FHIT: variants seen among roughly 807,000 people sequenced by gnomAD.
FHIT encodes the protein fragile histidine triad diadenosine triphosphatase.
A neutral mutation model predicts 17.9 loss-of-function variants in FHIT; 19 were observed. The observed-to-expected ratio is 1.06, with a 90% CI of 0.74 to 1.56. The LOEUF is 1.56. Among genes scored for constraint, FHIT ranks in the 40% most tolerant of loss-of-function variants. The pLI is 0.00. For synonymous variants in FHIT, 81 were observed against 69.7 expected, an observed-to-expected ratio of 1.16 and a Z score of -0.81; for missense variants, 248 against 189.2, an observed-to-expected ratio of 1.31 and a Z score of -1.82.
At chr3:60,714,815 C>G (rs2107946588) in intron 4 of FHIT, among the ~76,000 whole-genome samples, 2 of 152,302 alleles carry the variant, frequency 1.3e-5, no homozygotes, top group East Asian at 3.9e-4. Context: ...ACATTCCATG[C>G]TCATGAGTAG....
rs368662819 is a variant in FHIT, at chr3:60,102,622, TAA to T, written c.104-88472_104-88471del. Among the ~76,000 whole-genome samples, 254 of 139,082 alleles carry T rather than the reference TAA, an allele frequency of 1.8e-3. 1 individual carries two copies. Among genetic ancestry groups the T allele is most frequent in the Non-Finnish European group, 3.3e-3 (207 of 63,244 alleles). 91.2% of individuals were successfully genotyped at this position (139,082 alleles called of 152,430 possible). A position where few individuals can be genotyped will look rare whatever the true frequency, so the allele number is the denominator to read the frequency against. ...TTGGAAAATTAGTGTTAAATAAGAATAAAAAAAAAAAACCCTTCACCTTTATG... is the reference window on the plus strand; with the variant it reads ...TTGGAAAATTAGTGTTAAATAAGAATAAAAAAAAAACCCTTCACCTTTATG... On this transcript the variant is annotated intron_variant, in intron 5 of 9. Transcript: ENST00000492590.
intron 3 of FHIT, among the ~76,000 whole-genome samples, chr3:60,956,913 C>CG (rs35454787): frequency 0.23 from 35,471 of 151,884 alleles, 4,337 homozygotes; most frequent in South Asian, 0.31. Flanking sequence ...ATTTCAGTTT[C>CG]GGGGGGTCAC....
At chr3:60,757,368 T>C (rs4974256) in intron 4 of FHIT, among the ~76,000 whole-genome samples, 48,394 of 152,036 alleles carry the variant, frequency 0.32, 8,199 homozygotes, top group Middle Eastern at 0.37. Context: ...AACAAAGCAA[T>C]GGCAACAGAG....
At chr3:59,823,876 G>T (rs539332882) in intron 8 of FHIT, among the ~76,000 whole-genome samples, 85 of 152,248 alleles carry the variant, frequency 5.6e-4, no homozygotes, top group African/African-American at 2.0e-3. Flanking sequence ...AGAAATAAAG[G>T]GCATCCAAAT....
At chr3:61,241,567 T>G (rs1016042791) in intron 1 of FHIT, among the ~76,000 whole-genome samples, 6 of 152,200 alleles carry the variant, frequency 3.9e-5, no homozygotes, top group Non-Finnish European at 8.8e-5. Flanking sequence ...AAAATATTCA[T>G]GCATTAAACC....
In FHIT at chr3:61,018,157, G is replaced by A. The variant is rs140725130; in HGVS notation, c.-111+23890C>T. The stretch of plus-strand genomic sequence containing the variant: ...CCTTATTATACAGATAGTCAAACAC[G>A]ATGATAAAAAGTAAGTAACTTTCTC... On this transcript the variant is annotated intron_variant, in intron 3 of 9. Transcript: ENST00000492590. Among the ~76,000 whole-genome samples, 770 of 152,176 alleles carry A rather than the reference G, an allele frequency of 5.1e-3. 5 individuals carry two copies. The highest frequency in any genetic ancestry group is 0.017 in the African/African-American group (712 of 41,552).
intron 5 of FHIT, among the ~76,000 whole-genome samples, chr3:60,272,848 T>C (rs1240152383): frequency 2.0e-5 from 3 of 152,198 alleles, no homozygotes; most frequent in South Asian, 2.1e-4. Flanking sequence ...TGAAACATGA[T>C]AGCTCCTGCA....
At chr3:60,602,285 G>T (rs538373647) in intron 4 of FHIT, among the ~76,000 whole-genome samples, 11 of 152,172 alleles carry the variant, frequency 7.2e-5, no homozygotes, top group African/African-American at 2.6e-4. Context: ...TAAGAAGAAA[G>T]CAAGTCAATT....
At chr3:60,600,741 C>T (rs2038417349) in intron 4 of FHIT, among the ~76,000 whole-genome samples, 1 of 152,094 alleles carries the variant, frequency 6.6e-6, no homozygotes, top group South Asian at 2.1e-4. Flanking sequence ...ATGAGGCAAA[C>T]CCAGACAAAT....
intron 5 of FHIT, among the ~76,000 whole-genome samples, chr3:60,506,401 T>C (rs1437649616): frequency 6.6e-6 from 1 of 152,194 alleles, no homozygotes; most frequent in Non-Finnish European, 1.5e-5. Flanking sequence ...TTACAGAGAT[T>C]GTGTTTGGCA....
intron 5 of FHIT, among the ~76,000 whole-genome samples, chr3:60,414,304 C>A (rs943648423): frequency 2.7e-4 from 41 of 152,282 alleles, no homozygotes; most frequent in African/African-American, 9.9e-4. Flanking sequence ...TGTCACCGAA[C>A]TAGGAAGCAC....
chr3:60,370,184 A>C (rs920796859), intron 5 of FHIT, among the ~76,000 whole-genome samples: 1 of 144,436 alleles, frequency 6.9e-6, no homozygotes, highest in Middle Eastern at 3.2e-3. Context: ...ATAGATATAC[A>C]CTTGAATTAA....
chr3:61,222,199 C>T (rs367771526), intron 1 of FHIT, among the ~76,000 whole-genome samples: 1 of 152,206 alleles, frequency 6.6e-6, no homozygotes, highest in Non-Finnish European at 1.5e-5. Flanking sequence ...CTTCCCTTTC[C>T]TGCTTCATGG....
At chr3:60,754,348 T>C (rs1271007327) in intron 4 of FHIT, among the ~76,000 whole-genome samples, 4 of 152,182 alleles carry the variant, frequency 2.6e-5, no homozygotes, top group Non-Finnish European at 5.9e-5. Flanking sequence ...AAGCGTGATA[T>C]CAACAGGGGG....
intron 4 of FHIT, chr3:60,732,403 A>C: frequency 1.3e-6 from 1 of 764,788 alleles, no homozygotes; most frequent in Non-Finnish European, 2.4e-6. Context: ...TTCTACCTGT[A>C]GATGGACTTG....
chr3:60,778,122 G>C (rs2108089002), intron 4 of FHIT, among the ~76,000 whole-genome samples: 1 of 152,272 alleles, frequency 6.6e-6, no homozygotes, highest in Non-Finnish European at 1.5e-5. Context: ...GGTGAATAAT[G>C]CCAATATATG....
At chr3:60,845,610 G>A (rs1702900925) in intron 3 of FHIT, among the ~76,000 whole-genome samples, 1 of 152,018 alleles carries the variant, frequency 6.6e-6, no homozygotes, top group Admixed American at 6.6e-5. Flanking sequence ...TGAACCACAT[G>A]GGGCCCCAGA....
intron 3 of FHIT, among the ~76,000 whole-genome samples, chr3:60,846,524 G>A (rs1553746527): frequency 2.0e-5 from 3 of 152,204 alleles, no homozygotes; most frequent in South Asian, 4.1e-4. Flanking sequence ...CCTGTAGGGT[G>A]CAAGTTACAT....
intron 3 of FHIT, among the ~76,000 whole-genome samples, chr3:60,831,228 C>G (rs939361707): frequency 6.6e-6 from 1 of 152,014 alleles, no homozygotes; most frequent in Non-Finnish European, 1.5e-5. Context: ...AGGAAAGGAA[C>G]GAGTTGAAGC....
Sources: gnomAD v4.1 joint callset for allele counts (sites outside exome capture counted in the v4.1 genomes callset) on GRCh38, gnomAD v4.1.1 for gene constraint, MANE v1.5 for transcripts, NCBI Gene and HGNC (gene_info 2026-07-23, HGNC 2026-07-21) for gene names.